The following PRKG1 variants were observed in gnomAD, a reference collection of about 807,000 sequenced individuals.
PRKG1 encodes the protein protein kinase cGMP-dependent 1.
In PRKG1, 35 loss-of-function variants were observed where a neutral mutation model predicts 88.1. That is an observed-to-expected ratio of 0.40 (90% CI 0.30 to 0.53). The LOEUF (loss-of-function observed/expected upper bound fraction) is 0.53. Ranked by LOEUF, PRKG1 falls within the 20% of genes least tolerant of loss-of-function variation. PRKG1 has a pLI of 0.59. For missense variants in PRKG1, 540 were observed against 839.8 expected (o/e 0.64, Z 4.41); for synonymous variants, 303 against 292.5 (o/e 1.04, Z -0.37).
rs115181043 is a variant in PRKG1, at chr10:52,216,184, G to C, written c.1077-35386G>C. 5.3e-3 allele frequency among the ~76,000 whole-genome samples: 813 copies of C among 152,242 alleles called. 5 individuals carry two copies. Among genetic ancestry groups the C allele is most frequent in the African/African-American group, 0.019 (769 of 41,558 alleles). ...ACAGATGGTTCTTTTGATCATTCTT[G>C]AATATACTCTTCTTAGACACTTCTT... On this transcript the variant is annotated intron_variant, in intron 9 of 17. Transcript: ENST00000373980.
intron 5 of PRKG1, among the ~76,000 whole-genome samples, chr10:52,029,213 T>C (rs1466688848): frequency 6.6e-6 from 1 of 152,220 alleles, no homozygotes; most frequent in Non-Finnish European, 1.5e-5. Flanking sequence ...AGAAAAGTCA[T>C]TCCATTCTTT....
At chr10:52,172,975 T>G (rs542577928) in intron 9 of PRKG1, among the ~76,000 whole-genome samples, 21 of 152,344 alleles carry the variant, frequency 1.4e-4, no homozygotes, top group African/African-American at 4.8e-4. Flanking sequence ...ATTTTTGGCT[T>G]TAGGCTTCTA....
intron 5 of PRKG1, among the ~76,000 whole-genome samples, chr10:51,912,331 G>C (rs1482273284): frequency 5.9e-5 from 9 of 152,136 alleles, no homozygotes; most frequent in African/African-American, 2.2e-4. Flanking sequence ...TAAATGTAAT[G>C]GGGAGATTTT....
At chr10:51,142,798 T>C (rs1052411038) in intron 1 of PRKG1, among the ~76,000 whole-genome samples, 1 of 152,098 alleles carries the variant, frequency 6.6e-6, no homozygotes, top group Admixed American at 6.6e-5. Flanking sequence ...AAACATGAAA[T>C]GCTCTATGTA....
intron 3 of PRKG1, among the ~76,000 whole-genome samples, chr10:51,573,014 A>G (rs1837796105): frequency 6.6e-6 from 1 of 151,870 alleles, no homozygotes. Flanking sequence ...AAGATTTAAC[A>G]TTGTAGATAA....
At chr10:51,188,742 C>T (rs1307261643) in intron 2 of PRKG1, among the ~76,000 whole-genome samples, 1 of 151,746 alleles carries the variant, frequency 6.6e-6, no homozygotes, top group East Asian at 1.9e-4. Context: ...TTAAAAGACC[C>T]CAGAGGATAA....
rs112215060 is a variant in PRKG1, at chr10:51,470,475, T to C, written c.592+2639T>C. The stretch of plus-strand genomic sequence containing the variant: ...TAACATCACCCACTTTCCTTCATGA[T>C]TGAAAATGTTGATGATCCTTTCTCT... On this transcript the variant is annotated intron_variant, in intron 3 of 17. Coordinates refer to ENST00000373980, the MANE Select transcript of PRKG1 (RefSeq NM_006258.4). Among the ~76,000 whole-genome samples, 394 of 152,036 alleles carry C rather than the reference T, an allele frequency of 2.6e-3. 2 individuals are homozygous for C. Among genetic ancestry groups the C allele is most frequent in the African/African-American group, 9.2e-3 (382 of 41,530 alleles).
At chr10:52,207,715 G>A (rs1360909871) in intron 9 of PRKG1, among the ~76,000 whole-genome samples, 4 of 152,124 alleles carry the variant, frequency 2.6e-5, no homozygotes, top group Admixed American at 2.6e-4. Context: ...TCTATGGCAA[G>A]AGCAGACCAC....
intron 3 of PRKG1, among the ~76,000 whole-genome samples, chr10:51,611,983 T>G (rs148949138): frequency 2.1e-3 from 323 of 152,238 alleles, no homozygotes; most frequent in African/African-American, 6.6e-3. Context: ...TCTACTCTTT[T>G]CTATTGGCCA....
intron 5 of PRKG1, among the ~76,000 whole-genome samples, chr10:52,042,130 T>C (rs892134758): frequency 1.3e-5 from 2 of 152,126 alleles, no homozygotes; most frequent in African/African-American, 4.8e-5. Flanking sequence ...TATTAAATAT[T>C]GTTGAAATGC....
chr10:51,051,089 A>G (rs1438295155), intron 1 of PRKG1, among the ~76,000 whole-genome samples: 1 of 151,920 alleles, frequency 6.6e-6, no homozygotes, highest in Non-Finnish European at 1.5e-5. Context: ...GTTTGCAAGC[A>G]TTTTCTCCTG....
intron 2 of PRKG1, among the ~76,000 whole-genome samples, chr10:51,312,910 T>C (rs534737615): frequency 8.5e-5 from 13 of 152,316 alleles, no homozygotes; most frequent in South Asian, 6.2e-4. Flanking sequence ...ATTTAATTTA[T>C]GGGCAATATT....
chr10:52,004,483 T>G (rs1844680168), intron 5 of PRKG1, among the ~76,000 whole-genome samples: 1 of 152,164 alleles, frequency 6.6e-6, no homozygotes, highest in Admixed American at 6.6e-5. Flanking sequence ...ACTGAATCTA[T>G]CCTCCCAGAG....
chr10:51,630,482 G>A (rs1839495531), intron 3 of PRKG1, among the ~76,000 whole-genome samples: 1 of 152,114 alleles, frequency 6.6e-6, no homozygotes, highest in South Asian at 2.1e-4. Context: ...GACACAAAAT[G>A]ACCAGTTCAG....
chr10:50,996,042 T>G (rs2132710244), intron 1 of PRKG1, among the ~76,000 whole-genome samples: 1 of 152,352 alleles, frequency 6.6e-6, no homozygotes, highest in South Asian at 2.1e-4. Flanking sequence ...TGAGTAGGTC[T>G]TAGCTGAATT....
chr10:51,185,589 T>G (rs1055117838), intron 2 of PRKG1, among the ~76,000 whole-genome samples: 1 of 152,048 alleles, frequency 6.6e-6, no homozygotes, highest in Non-Finnish European at 1.5e-5. Context: ...TTGTAACCTT[T>G]GAGTCTTCTC....
chr10:51,835,570 A>G (rs953823248), intron 4 of PRKG1, among the ~76,000 whole-genome samples: 11 of 152,200 alleles, frequency 7.2e-5, no homozygotes, highest in African/African-American at 2.7e-4. Context: ...TCATTTCCCC[A>G]TGAACATAAA....
At chr10:51,080,413 G>T (rs1844077256) in intron 1 of PRKG1, among the ~76,000 whole-genome samples, 1 of 150,476 alleles carries the variant, frequency 6.6e-6, no homozygotes, top group African/African-American at 2.5e-5. Flanking sequence ...GTTGCTGTTT[G>T]CAGGTTATAA....
intron 8 of PRKG1, among the ~76,000 whole-genome samples, chr10:52,154,876 A>C (rs10733896): frequency 6.6e-6 from 1 of 151,976 alleles, no homozygotes. Context: ...GCTCCCAACT[A>C]TAAGTGAGAC....
Sources: allele counts gnomAD v4.1 joint callset (sites outside exome capture counted in the v4.1 genomes callset), GRCh38; gene constraint gnomAD v4.1.1; transcripts MANE v1.5; gene names NCBI Gene and HGNC (gene_info 2026-07-23, HGNC 2026-07-21).